NALF1: variants seen among roughly 807,000 people sequenced by gnomAD.
NALF1 encodes family with sequence similarity 155 member A.
In NALF1, 3 loss-of-function variants were observed where a neutral mutation model predicts 48.4. That is an observed-to-expected ratio of 0.06 (90% confidence interval 0.03 to 0.16). The LOEUF (loss-of-function observed/expected upper bound fraction) is 0.16. NALF1 is among the 10% of genes least tolerant of loss of function. NALF1 has a pLI of 1.00. For missense variants in NALF1, 526 were observed against 571.5 expected (o/e 0.92, Z 0.81); for synonymous variants, 262 against 245.7 (o/e 1.07, Z -0.62).
chr13:107,777,923 A>G (rs1434955884), intron 1 of NALF1, among the ~76,000 whole-genome samples: 8 of 152,204 alleles, frequency 5.3e-5, no homozygotes, highest in Admixed American at 5.2e-4. Context: ...TTTTTACAAC[A>G]TACTCCCAGA....
chr13:107,201,406 C>G (rs1879515226), intron 2 of NALF1, among the ~76,000 whole-genome samples: 1 of 152,112 alleles, frequency 6.6e-6, no homozygotes, highest in Admixed American at 6.5e-5. Context: ...GAAATGCCAT[C>G]TCTACTAAAA....
intron 1 of NALF1, among the ~76,000 whole-genome samples, chr13:107,477,543 G>C (rs1885191743): frequency 6.6e-6 from 1 of 151,822 alleles, no homozygotes; most frequent in Non-Finnish European, 1.5e-5. Context: ...GAAAATTACT[G>C]AAAGTCATCT....
chr13:107,853,959 C>G (rs556350564), intron 1 of NALF1, among the ~76,000 whole-genome samples: 1 of 152,190 alleles, frequency 6.6e-6, no homozygotes, highest in African/African-American at 2.4e-5. Flanking sequence ...ATTGGATCAA[C>G]TATTTTAATC....
chr13:107,636,257 T>C (rs1008638538), intron 1 of NALF1, among the ~76,000 whole-genome samples: 3 of 152,084 alleles, frequency 2.0e-5, no homozygotes, highest in African/African-American at 4.8e-5. Flanking sequence ...AATAACTTGA[T>C]CAAAACCAAA....
chr13:107,725,841 C>G (rs1028546632), intron 1 of NALF1, among the ~76,000 whole-genome samples: 1 of 152,154 alleles, frequency 6.6e-6, no homozygotes, highest in African/African-American at 2.4e-5. Context: ...TTCCAGATTA[C>G]AAGGAAATTC....
chr13:107,381,176 G>A (rs556995493), intron 1 of NALF1, among the ~76,000 whole-genome samples: 36 of 147,908 alleles, frequency 2.4e-4, no homozygotes, highest in African/African-American at 8.7e-4. Flanking sequence ...TAGAATAGAG[G>A]GGAAGAGGAC....
intron 1 of NALF1, among the ~76,000 whole-genome samples, chr13:107,360,059 G>C (rs530409497): frequency 6.6e-6 from 1 of 152,274 alleles, no homozygotes; most frequent in Non-Finnish European, 1.5e-5. Flanking sequence ...GTGGCAACAT[G>C]CAAGAGACAA....
intron 1 of NALF1, among the ~76,000 whole-genome samples, chr13:107,638,663 A>G (rs1880058898): frequency 6.6e-6 from 1 of 152,188 alleles, no homozygotes; most frequent in South Asian, 2.1e-4. Flanking sequence ...GCAAGAGAGT[A>G]GCTGAGAAAG....
At chr13:107,254,517 G>A (rs1469195770) in intron 1 of NALF1, among the ~76,000 whole-genome samples, 1 of 152,172 alleles carries the variant, frequency 6.6e-6, no homozygotes, top group Non-Finnish European at 1.5e-5. Flanking sequence ...AAGCACTCTT[G>A]GAGTGGGGAA....
intron 1 of NALF1, among the ~76,000 whole-genome samples, chr13:107,325,976 C>G (rs773750295): frequency 6.8e-6 from 1 of 147,296 alleles, no homozygotes; most frequent in Non-Finnish European, 1.5e-5. Context: ...ATATACAACA[C>G]ACATATACAT....
intron 1 of NALF1, among the ~76,000 whole-genome samples, chr13:107,302,702 C>T (rs1881860399): frequency 6.6e-6 from 1 of 152,146 alleles, no homozygotes; most frequent in Non-Finnish European, 1.5e-5. Context: ...ATGTTCAAAA[C>T]AATTGAATCT....
chr13:107,442,205 G>A (rs1594065212), intron 1 of NALF1, among the ~76,000 whole-genome samples: 1 of 152,252 alleles, frequency 6.6e-6, no homozygotes, highest in East Asian at 1.9e-4. Flanking sequence ...GAGAGCAAGA[G>A]ACTATGAGCC....
Position 107,543,586 on chromosome 13 carries a change from T to C in NALF1, c.915+322096A>G, listed in dbSNP as rs537239634. 1.4e-4 allele frequency among the ~76,000 whole-genome samples: 22 copies of C among 152,222 alleles called. No homozygotes were observed. In the South Asian group the frequency reaches 4.6e-3, roughly 32 times the overall value. On this transcript the variant is annotated intron_variant, in intron 1 of 2. Coordinates refer to ENST00000375915, the MANE Select transcript of NALF1 (RefSeq NM_001080396.3). ...AGTAAGAAGTATTCTGTCAATAAAG[T>C]ATCTGATCCTTTCATAAACTCATCA...
intron 1 of NALF1, among the ~76,000 whole-genome samples, chr13:107,659,299 A>G (rs1880667910): frequency 6.6e-6 from 1 of 152,136 alleles, no homozygotes; most frequent in Non-Finnish European, 1.5e-5. Flanking sequence ...ATTTGCATGT[A>G]ATCTATTGCA....
intron 1 of NALF1, among the ~76,000 whole-genome samples, chr13:107,688,171 C>G (rs1320957414): frequency 6.6e-6 from 1 of 152,178 alleles, no homozygotes; most frequent in Non-Finnish European, 1.5e-5. Flanking sequence ...TCTAATGACA[C>G]AGGCACTGTT....
At chr13:107,573,218 G>A (rs1408136288) in intron 1 of NALF1, among the ~76,000 whole-genome samples, 1 of 152,180 alleles carries the variant, frequency 6.6e-6, no homozygotes, top group Non-Finnish European at 1.5e-5. Flanking sequence ...TCCAATGGTA[G>A]TAAGCACACC....
intron 1 of NALF1, among the ~76,000 whole-genome samples, chr13:107,421,217 G>A (rs113435752): frequency 2.3e-4 from 35 of 152,156 alleles, no homozygotes; most frequent in Non-Finnish European, 7.4e-5. Context: ...ATTGGTCTTC[G>A]TAGAGCTCAG....
intron 1 of NALF1, among the ~76,000 whole-genome samples, chr13:107,828,606 TACACACACACACACAC>T (rs60869824): frequency 0.019 from 1,985 of 103,992 alleles, 34 homozygotes; most frequent in Middle Eastern, 0.076. Context: ...TCTATATCTA[TACACACACACACACAC>T]ACACACACAC....
intron 1 of NALF1, among the ~76,000 whole-genome samples, chr13:107,485,914 C>T (rs1039858749): frequency 3.9e-5 from 6 of 152,182 alleles, no homozygotes; most frequent in Non-Finnish European, 5.9e-5. Context: ...CACTTCTTTT[C>T]GTTAATTCTA....
Sources: allele counts gnomAD v4.1 joint callset (sites outside exome capture counted in the v4.1 genomes callset), GRCh38; gene constraint gnomAD v4.1.1; transcripts MANE v1.5; gene names NCBI Gene and HGNC (gene_info 2026-07-23, HGNC 2026-07-21).